Variants in MROH1 observed in about 807,000 individuals in gnomAD.
MROH1 encodes maestro heat-like repeat-containing protein family member 1.
MROH1 carries 117 observed loss-of-function variants against 116.5 expected under a neutral mutation model. The observed-to-expected ratio is 1.00, with a 90% CI of 0.86 to 1.17. The LOEUF is 1.17. Ranked by LOEUF, MROH1 falls within the 50% of genes most tolerant of loss-of-function variation. The pLI, the probability that MROH1 is intolerant of heterozygous loss-of-function variation, is 0.00. For missense variants in MROH1, 1,873 were observed against 1,338.5 expected (o/e 1.40, Z -6.23); for synonymous variants, 921 against 583.9 (o/e 1.58, Z -8.32).
chr8:144,153,886 G>A (rs922120806), intron 1 of MROH1, among the ~76,000 whole-genome samples: 6 of 151,436 alleles, frequency 4.0e-5, no homozygotes, highest in African/African-American at 7.3e-5. Context: ...TCAGCTTCCC[G>A]AGTAGCCAGG....
At position 144,240,085 on chromosome 8, in the gene MROH1, G is replaced by C; in HGVS notation, c.1775-16G>C. The stretch of plus-strand genomic sequence containing the variant: ...TGCGTTTTGGGATGGGCTGGCCTGC[G>C]CGGCTGTCGTTTCAGAGCACACAGA... On this transcript the variant is annotated splice_polypyrimidine_tract_variant and intron_variant, in intron 18 of 43. Coordinates refer to ENST00000326134, the MANE Select transcript of MROH1 (RefSeq NM_032450.3). 4 of 774,556 alleles carry C rather than the reference G, an allele frequency of 5.2e-6. No individual in the cohort carries two copies. The highest frequency in any genetic ancestry group is 9.6e-6 in the Non-Finnish European group (4 of 415,292). 48.0% of individuals were successfully genotyped at this position (774,556 alleles called of 1,614,324 possible). A position where few individuals can be genotyped will look rare whatever the true frequency, so the allele number is the denominator to read the frequency against.
chr8:144,163,655 T>C lies in MROH1; in HGVS notation c.-56-116T>C. On this transcript the variant is annotated intron_variant, in intron 2 of 43. Coordinates refer to ENST00000326134, the MANE Select transcript of MROH1 (RefSeq NM_032450.3). This position sits in a 1 kb window ranked among gnomAD's most constrained non-coding sequence, Gnocchi z 4.4. ...GCTCAAAGAAAATGTGACGGAGATA[T>C]TTCCCCCAGAATAAATTCATTTAAA... 1 of 687,660 alleles carries C rather than the reference T, an allele frequency of 1.5e-6. No individual in the cohort carries two copies. Among genetic ancestry groups the C allele is most frequent in the Non-Finnish European group, 2.4e-6 (1 of 414,578 alleles). 42.6% of individuals were successfully genotyped at this position (687,660 alleles called of 1,614,324 possible).
chr8:144,243,686 G>T, intron 25 of MROH1, 70 bp downstream of exon 25: 2 of 772,146 alleles, frequency 2.6e-6, no homozygotes, highest in Non-Finnish European at 4.8e-6. Context: ...GGTGGGGACT[G>T]GGGCACTGAG....
At chr8:144,254,502 C>A in intron 33 of MROH1, 1 of 309,096 alleles carries the variant, frequency 3.2e-6, no homozygotes, top group Non-Finnish European at 6.0e-6. Context: ...GATGCTGCTT[C>A]CTCCAGGGAA....
chr8:144,213,241 G>T (rs1834553910), intron 12 of MROH1: 2 of 627,010 alleles, frequency 3.2e-6, no homozygotes, highest in Non-Finnish European at 5.8e-6. Flanking sequence ...TGCCACTCTT[G>T]TTGTCCAAAG....
chr8:144,195,803 A>T (rs1017912883), intron 10 of MROH1, among the ~76,000 whole-genome samples: 2 of 152,014 alleles, frequency 1.3e-5, no homozygotes, highest in South Asian at 2.1e-4. Flanking sequence ...CCCAGGCTCA[A>T]GCGATCCTCC....
intron 14 of MROH1, among the ~76,000 whole-genome samples, chr8:144,225,137 C>G (rs1837552847): frequency 6.6e-6 from 1 of 152,022 alleles, no homozygotes; most frequent in African/African-American, 2.4e-5. Context: ...CTCCTGGGCT[C>G]AAGTGATCTT....
intron 7 of MROH1, among the ~76,000 whole-genome samples, chr8:144,183,471 C>T (rs1372997082): frequency 6.6e-6 from 1 of 150,872 alleles, no homozygotes; most frequent in African/African-American, 2.4e-5. Flanking sequence ...AAACTTCCCA[C>T]TGCCGAATAC....
In MROH1 at chr8:144,175,607, GA is replaced by G. The variant is rs1823669624; in HGVS notation, c.169-3846del. Reference sequence around the variant, plus strand: ...AAGGACTACATTGTCTCCTACCTGGGAAGAGTGTCTAGATTATGAAAGTCAG... The same window carrying G: ...AAGGACTACATTGTCTCCTACCTGGGAGAGTGTCTAGATTATGAAAGTCAG... On this transcript the variant is annotated intron_variant, in intron 4 of 43. Coordinates refer to ENST00000326134, the MANE Select transcript of MROH1 (RefSeq NM_032450.3). The G allele has an allele frequency of 5.6e-6, 5 of 897,374 alleles. No individual in the cohort carries two copies. In the South Asian group the frequency reaches 1.5e-4, roughly 27 times the overall value. The allele number at this position is 897,374 out of a possible 1,614,324, so 55.6% of individuals were successfully genotyped here. A position where few individuals can be genotyped will look rare whatever the true frequency, so the allele number is the denominator to read the frequency against.
chr8:144,215,609 C>T (rs200165001), intron 12 of MROH1, among the ~76,000 whole-genome samples: 1 of 152,156 alleles, frequency 6.6e-6, no homozygotes, highest in Non-Finnish European at 1.5e-5. Context: ...TGGTGGCTCA[C>T]GCCTGTAATC....
At chr8:144,159,454 T>C (rs982454251) in intron 1 of MROH1, among the ~76,000 whole-genome samples, 3 of 152,234 alleles carry the variant, frequency 2.0e-5, no homozygotes, top group African/African-American at 7.2e-5. Context: ...GCTTTGTGTA[T>C]TTTGAAGCTC....
In MROH1 at chr8:144,168,549, C is replaced by T. The variant is rs1241938867; in HGVS notation, c.168+109C>T. The T allele has an allele frequency of 3.8e-6, 5 of 1,333,250 alleles. No individual in the cohort carries two copies. In the African/African-American group the frequency reaches 7.2e-5, roughly 19 times the overall value. 82.6% of individuals were successfully genotyped at this position (1,333,250 alleles called of 1,614,324 possible). On this transcript the variant is annotated intron_variant, in intron 4 of 43. Coordinates refer to ENST00000326134, the MANE Select transcript of MROH1 (RefSeq NM_032450.3). The stretch of plus-strand genomic sequence containing the variant: ...CAGGAGCAGTGGGTCGGGTGTTACG[C>T]AGGGGTGGCCACATGTCTAACCCCC...
At chr8:144,165,744 G>GTTTTT (rs1332159480) in intron 3 of MROH1, among the ~76,000 whole-genome samples, 3 of 142,262 alleles carry the variant, frequency 2.1e-5, no homozygotes, top group African/African-American at 7.9e-5. Flanking sequence ...CGTAATTTTT[G>GTTTTT]TATTTTTTTT....
Position 144,258,816 on chromosome 8 carries a change from C to T in MROH1, c.3831C>T (p.Ser1277=), listed in dbSNP as rs901415576. The change falls in exon 36 of 44, where the codon AGC becomes AGT. Residue 1277 remains serine (S), a synonymous_variant. Coordinates refer to ENST00000326134, the MANE Select transcript of MROH1 (RefSeq NM_032450.3). ...CCCTGCGGTCCATGCTACTCCGCAG[C>T]GGCAGCGAGGATGTGGTACAGCGCA... ...VDTLRSMLLR[S]GSEDVVQRMD... is the part of the protein sequence containing the mutation. 1.4e-5 allele frequency: 11 copies of T among 769,142 alleles called. No individual in the cohort carries two copies. Among genetic ancestry groups the T allele is most frequent in the Admixed American group, 6.9e-5 (4 of 57,936 alleles). 47.6% of individuals were successfully genotyped at this position (769,142 alleles called of 1,614,324 possible).
At chr8:144,228,302 T>G (rs960600320) in intron 14 of MROH1, among the ~76,000 whole-genome samples, 1 of 152,202 alleles carries the variant, frequency 6.6e-6, no homozygotes, top group Non-Finnish European at 1.5e-5. Context: ...TAAAAAGCAA[T>G]GTACATGCCT....
chr8:144,241,960 G>A (rs1355668069), intron 22 of MROH1, among the ~76,000 whole-genome samples: 141 of 152,330 alleles, frequency 9.3e-4, no homozygotes, highest in Non-Finnish European at 2.1e-4. Context: ...GCATCTCAGG[G>A]CTGGACCAAG....
At chr8:144,251,050 T>C (rs1319534698) in intron 33 of MROH1, 1 of 164,538 alleles carries the variant, frequency 6.1e-6, no homozygotes, top group East Asian at 1.8e-4. Flanking sequence ...GGAGACTCCA[T>C]GCTGGGCAAG....
At chr8:144,255,221 A>C (rs1843503992) in intron 34 of MROH1, among the ~76,000 whole-genome samples, 1 of 152,228 alleles carries the variant, frequency 6.6e-6, no homozygotes, top group South Asian at 2.1e-4. Flanking sequence ...TGTTTTAAGC[A>C]GTAAAGCAGC....
At chr8:144,165,125 A>ATT (rs367590354) in intron 3 of MROH1, among the ~76,000 whole-genome samples, 64,375 of 145,822 alleles carry the variant, frequency 0.44, 15,792 homozygotes, top group East Asian at 0.71. Context: ...CACCCAGCTA[A>ATT]TTTTTTTTTT....
Sources: gnomAD v4.1 joint callset for allele counts (sites outside exome capture counted in the v4.1 genomes callset) on GRCh38, gnomAD v4.1.1 for gene constraint, Gnocchi (gnomAD v3.1) non-coding constraint, MANE v1.5 for transcripts, NCBI Gene and HGNC (gene_info 2026-07-23, HGNC 2026-07-21) for gene names.